Variants in CRACDL observed in about 807,000 individuals in gnomAD.
CRACDL encodes the protein CRACD like.
A neutral mutation model predicts 70.6 loss-of-function variants in CRACDL; 26 were observed. The observed-to-expected ratio is 0.37, with a 90% confidence interval of 0.27 to 0.51. The LOEUF is 0.51. CRACDL is among the 20% of genes least tolerant of loss of function. CRACDL has a pLI of 0.94. For synonymous variants in CRACDL, 618 were observed against 615.2 expected, an observed-to-expected ratio of 1.00 and a Z score of -0.07; for missense variants, 1,283 against 1,376.9, an observed-to-expected ratio of 0.93 and a Z score of 1.08.
chr2:98,797,265 A>C, intron 8 of CRACDL, 85 bp downstream of exon 8: 2 of 1,283,330 alleles, frequency 1.6e-6, no homozygotes, highest in Non-Finnish European at 2.2e-6. Flanking sequence ...CATGCAGCAC[A>C]TGTGGTCCTT....
At chr2:98,845,673 A>G (rs1706226803) in intron 2 of CRACDL, among the ~76,000 whole-genome samples, 1 of 152,248 alleles carries the variant, frequency 6.6e-6, no homozygotes, top group Non-Finnish European at 1.5e-5. Context: ...TGTATTCAGA[A>G]CTAGCACTTA....
chr2:98,914,111 C>A (rs1312309283), intron 1 of CRACDL, among the ~76,000 whole-genome samples: 4 of 152,236 alleles, frequency 2.6e-5, no homozygotes, highest in Admixed American at 6.5e-5. Flanking sequence ...CCTGCCCATG[C>A]CCCTCTCATG....
At chr2:98,884,706 C>T (rs4571099) in intron 1 of CRACDL, among the ~76,000 whole-genome samples, 6,131 of 152,272 alleles carry the variant, frequency 0.04, 330 homozygotes, top group East Asian at 0.13. Flanking sequence ...AGAGTGTTCC[C>T]TCACTCCTGC....
rs201022444 is a variant in CRACDL at position 98,832,991 on chromosome 2, C to T, written c.246G>A (p.Ser82=). The T allele has an allele frequency of 2.1e-5, 34 of 1,612,268 alleles. No individual in the cohort carries two copies. The Middle Eastern group carries it at 5.0e-4, about 24-fold the overall frequency. ...GGGCCCGGCTGCCCAGCGTGCCCCT[C>T]GACTCCCTAGGATAAAAGAGCCACT... ...GYDSEDELEE[S]RGTLGSRALS... is the part of the protein sequence containing the mutation. Residue 82 remains serine (S), a synonymous_variant, in exon 4 of 10, where the codon TCG becomes TCA. Coordinates refer to ENST00000397899, the MANE Select transcript of CRACDL (RefSeq NM_207362.3).
chr2:98,847,477 G>A (rs1014069318), intron 1 of CRACDL, among the ~76,000 whole-genome samples: 4 of 152,082 alleles, frequency 2.6e-5, no homozygotes, highest in African/African-American at 7.2e-5. Flanking sequence ...GGCTAATCTT[G>A]CTTCATCTTT....
rs1322859335 is a variant in CRACDL, at chr2:98,793,961, C to G, written c.*571G>C. ...GAAACAGTCTATGAATTGATGAACCCTGCCGTGTTCCTTCATCTCCTTCTC... is the reference window on the plus strand; with the variant it reads ...GAAACAGTCTATGAATTGATGAACCGTGCCGTGTTCCTTCATCTCCTTCTC... On this transcript the variant is annotated 3_prime_UTR_variant, in exon 10 of 10. Coordinates refer to ENST00000397899, the MANE Select transcript of CRACDL (RefSeq NM_207362.3). The G allele has an allele frequency of 6.5e-6, 1 of 152,764 alleles. No individual in the cohort carries two copies. Among genetic ancestry groups the G allele is most frequent in the Admixed American group, 6.5e-5 (1 of 15,296 alleles). 9.5% of individuals were successfully genotyped at this position (152,764 alleles called of 1,614,324 possible).
At chr2:98,837,658 AT>A (rs905745540) in intron 3 of CRACDL, among the ~76,000 whole-genome samples, 2 of 151,802 alleles carry the variant, frequency 1.3e-5, no homozygotes, top group Non-Finnish European at 2.9e-5. Flanking sequence ...TTTTTGGATG[AT>A]TTTTTTTCTA....
At chr2:98,817,055 T>C (rs1052993678) in intron 7 of CRACDL, among the ~76,000 whole-genome samples, 3 of 152,208 alleles carry the variant, frequency 2.0e-5, no homozygotes, top group African/African-American at 4.8e-5. Context: ...TGCAGCAACA[T>C]GAATGAACCT....
chr2:98,854,279 CAA>C (rs1229198569), intron 1 of CRACDL, among the ~76,000 whole-genome samples: 4 of 54,218 alleles, frequency 7.4e-5, no homozygotes, highest in African/African-American at 1.3e-4. Flanking sequence ...GACTCTGTCT[CAA>C]AAAAAAAAAA....
chr2:98,828,180 C>T (rs1364803660), intron 5 of CRACDL, among the ~76,000 whole-genome samples: 2 of 152,216 alleles, frequency 1.3e-5, no homozygotes, highest in African/African-American at 4.8e-5. Context: ...TGAGTGAGGT[C>T]GAAGTGGGCT....
intron 1 of CRACDL, among the ~76,000 whole-genome samples, chr2:98,933,275 C>T (rs1709128196): frequency 6.6e-6 from 1 of 152,228 alleles, no homozygotes; most frequent in Non-Finnish European, 1.5e-5. Context: ...GTCAGGGCCA[C>T]TCCCCTCAAG....
intron 1 of CRACDL, chr2:98,913,004 C>A (rs1708580975): frequency 6.6e-6 from 1 of 152,254 alleles, no homozygotes; most frequent in African/African-American, 2.4e-5. Flanking sequence ...AAAAATTAAA[C>A]CTGTTACTCT....
chr2:98,855,018 G>A (rs967981265), intron 1 of CRACDL, among the ~76,000 whole-genome samples: 3 of 152,306 alleles, frequency 2.0e-5, no homozygotes, highest in South Asian at 2.1e-4. Flanking sequence ...GGCTGGGTGC[G>A]GCGGCTCACG....
intron 1 of CRACDL, among the ~76,000 whole-genome samples, chr2:98,932,937 C>T (rs1039266616): frequency 7.2e-5 from 11 of 152,190 alleles, no homozygotes; most frequent in Non-Finnish European, 1.6e-4. Context: ...GAGCACCTAC[C>T]GCTGTGCACC....
At chr2:98,852,051 G>A (rs115695312) in intron 1 of CRACDL, among the ~76,000 whole-genome samples, 2,730 of 152,174 alleles carry the variant, frequency 0.018, 88 homozygotes, top group African/African-American at 0.062. Context: ...AGTGGCTGGA[G>A]CTCAAATACA....
chr2:98,930,942 ATG>A lies in CRACDL; in HGVS notation c.-11+4994_-11+4995del, dbSNP rs140634438. On this transcript the variant is annotated intron_variant, in intron 1 of 9. Transcript: ENST00000397899. ...ACAGCACCTCATGTAATGCTCATGT[ATG>A]TGTGTGTGTGTGTGTGTGTGTCTAC... 9.0e-4 allele frequency among the ~76,000 whole-genome samples: 134 copies of A among 149,188 alleles called. 1 individual carries two copies. The highest frequency in any genetic ancestry group is 1.4e-3 in the African/African-American group (57 of 40,944).
chr2:98,900,441 C>T (rs548009885), intron 1 of CRACDL, among the ~76,000 whole-genome samples: 1 of 151,956 alleles, frequency 6.6e-6, no homozygotes, highest in East Asian at 1.9e-4. Context: ...GGAGGAGTGC[C>T]CTGGTACCCC....
chr2:98,848,306 C>G (rs1038664017), intron 1 of CRACDL, among the ~76,000 whole-genome samples: 1 of 152,156 alleles, frequency 6.6e-6, no homozygotes, highest in Admixed American at 6.5e-5. Flanking sequence ...CTCAATCCCC[C>G]CTGCAATATG....
Position 98,838,233 on chromosome 2 carries a change from CTCT to C in CRACDL, c.122_124del (p.Lys41del), listed in dbSNP as rs780528249. The stretch of plus-strand genomic sequence containing the variant: ...TCCTGTGGACGACGGCGATTCTTTT[CTCT>C]TCTTCTTCCCAAAAAACTTCTTAAA... On this transcript the variant is annotated inframe_deletion, in exon 3 of 10. Coordinates refer to ENST00000397899, the MANE Select transcript of CRACDL (RefSeq NM_207362.3). 2.4e-5 allele frequency: 39 copies of C among 1,613,310 alleles called. No homozygotes were observed. The highest frequency in any genetic ancestry group is 3.3e-5 in the Non-Finnish European group (39 of 1,179,438).
Sources: gnomAD v4.1 joint callset for allele counts (sites outside exome capture counted in the v4.1 genomes callset) on GRCh38, gnomAD v4.1.1 for gene constraint, MANE v1.5 for transcripts, NCBI Gene and HGNC (gene_info 2026-07-23, HGNC 2026-07-21) for gene names.